Variants in PTPRT observed in about 807,000 individuals in gnomAD.
The protein encoded by PTPRT is protein tyrosine phosphatase receptor type T, also known as receptor-type tyrosine-protein phosphatase T.
Under a neutral mutation model 176.8 loss-of-function variants are expected in PTPRT, and 56 were observed. That is an observed-to-expected ratio of 0.32 (90% confidence interval 0.26 to 0.40). PTPRT has a LOEUF of 0.40. Ranked by LOEUF, PTPRT falls within the 10% of genes least tolerant of loss-of-function variation. PTPRT has a pLI of 1.00. For missense variants in PTPRT, 1,540 were observed against 1,908.2 expected (o/e 0.81, Z 3.60); for synonymous variants, 783 against 739.0 (o/e 1.06, Z -0.96).
intron 3 of PTPRT, among the ~76,000 whole-genome samples, chr20:42,786,216 T>C (rs898765493): frequency 6.6e-6 from 1 of 152,154 alleles, no homozygotes; most frequent in African/African-American, 2.4e-5. Context: ...AATTACCCAG[T>C]CTTGGGAAGT....
intron 1 of PTPRT, among the ~76,000 whole-genome samples, chr20:43,095,589 T>C (rs918774087): frequency 6.6e-6 from 1 of 150,482 alleles, no homozygotes; most frequent in African/African-American, 2.4e-5. Flanking sequence ...CCTTGCCCTC[T>C]CCTCTCTTTC....
chr20:42,256,823 T>A (rs182093524), intron 13 of PTPRT, among the ~76,000 whole-genome samples: 1 of 152,006 alleles, frequency 6.6e-6, no homozygotes, highest in Non-Finnish European at 1.5e-5. Context: ...CAAAAAGAGA[T>A]GGTGGAGTTC....
chr20:42,359,206 T>A (rs1253629325), intron 9 of PTPRT, among the ~76,000 whole-genome samples: 6 of 152,182 alleles, frequency 3.9e-5, no homozygotes, highest in Admixed American at 2.6e-4. Flanking sequence ...AAACACTTTC[T>A]CAGGCAAGGG....
chr20:42,912,033 C>A (rs1229140192), intron 1 of PTPRT, among the ~76,000 whole-genome samples: 1 of 133,464 alleles, frequency 7.5e-6, no homozygotes, highest in East Asian at 2.4e-4. Flanking sequence ...AGGTAATAAA[C>A]CCTAGGAAAT....
intron 2 of PTPRT, among the ~76,000 whole-genome samples, chr20:42,848,607 G>A (rs148161097): frequency 3.2e-4 from 48 of 152,180 alleles, no homozygotes; most frequent in African/African-American, 1.1e-3. Context: ...ATGTTTGTTG[G>A]CCATTTGTAT....
chr20:42,350,118 G>A (rs774844615), intron 11 of PTPRT, among the ~76,000 whole-genome samples: 8 of 151,214 alleles, frequency 5.3e-5, no homozygotes, highest in Admixed American at 4.6e-4. Flanking sequence ...AGGAGACTGT[G>A]TTCCAGGCCA....
At chr20:42,184,518 C>CCTTCTTCTTCTTCCTCTTCTTCTTCTT (rs1990651776) in intron 16 of PTPRT, among the ~76,000 whole-genome samples, 1 of 54,396 alleles carries the variant, frequency 1.8e-5, no homozygotes, top group African/African-American at 5.2e-5. Flanking sequence ...TCCTCCTCCT[C>CCTTCTTCTTCTTCCTCTTCTTCTTCTT]CTTCTTCTTC....
At chr20:42,915,564 G>C (rs1387028356) in intron 1 of PTPRT, among the ~76,000 whole-genome samples, 2 of 152,150 alleles carry the variant, frequency 1.3e-5, no homozygotes, top group Non-Finnish European at 2.9e-5. Flanking sequence ...CTCACAGCTG[G>C]GGACAGGTGA....
rs375105095 is a variant in PTPRT, at chr20:42,451,893, A to G, written c.1451-3564T>C. Among the ~76,000 whole-genome samples the G allele has an allele frequency of 1.4e-4, 21 of 152,188 alleles. 1 individual carries two copies. Among genetic ancestry groups the G allele is most frequent in the East Asian group, 7.7e-4 (4 of 5,190 alleles). ...GGCTGTGAAAAGGAGGGGAATTCAAACCATAACAAGAATGAGATATGGAGC... is the reference window on the plus strand; with the variant it reads ...GGCTGTGAAAAGGAGGGGAATTCAAGCCATAACAAGAATGAGATATGGAGC... On this transcript the variant is annotated intron_variant, in intron 8 of 30. Transcript: ENST00000373187.
chr20:42,634,076 A>G (rs1457475612), intron 7 of PTPRT, among the ~76,000 whole-genome samples: 1 of 42,424 alleles, frequency 2.4e-5, no homozygotes, highest in African/African-American at 1.2e-4. Context: ...TATATATATA[A>G]TATATATATA....
At chr20:42,543,672 C>T (rs1213741841) in intron 7 of PTPRT, among the ~76,000 whole-genome samples, 5 of 151,776 alleles carry the variant, frequency 3.3e-5, no homozygotes, top group South Asian at 4.2e-4. Context: ...TTTATTTTGC[C>T]CATATCCATC....
chr20:43,109,840 G>A (rs2012784385), intron 1 of PTPRT, among the ~76,000 whole-genome samples: 1 of 152,096 alleles, frequency 6.6e-6, no homozygotes, highest in African/African-American at 2.4e-5. Flanking sequence ...CAAAGGTCCT[G>A]GGGCCAAAAA....
Position 43,144,272 on chromosome 20 carries a change from C to T in PTPRT, c.88+45374G>A, listed in dbSNP as rs572209148. Among the ~76,000 whole-genome samples, 9 of 152,300 alleles carry T rather than the reference C, an allele frequency of 5.9e-5. No individual in the cohort carries two copies. The East Asian group carries it at 1.4e-3, about 23-fold the overall frequency. ...CTCTGAATGCATGCAAACCTGAGCT[C>T]GTGGCCTTGTCCCCATATACCCAAA... On this transcript the variant is annotated intron_variant, in intron 1 of 30. Coordinates refer to ENST00000373187, the MANE Select transcript of PTPRT (RefSeq NM_007050.6).
At chr20:42,772,635 G>C (rs1013550646) in intron 4 of PTPRT, among the ~76,000 whole-genome samples, 4 of 152,072 alleles carry the variant, frequency 2.6e-5, no homozygotes, top group African/African-American at 9.7e-5. Flanking sequence ...TCTTCATTGA[G>C]GCACAATGAA....
chr20:43,072,152 TTC>T (rs2011189964), intron 1 of PTPRT, among the ~76,000 whole-genome samples: 1 of 152,188 alleles, frequency 6.6e-6, no homozygotes, highest in Non-Finnish European at 1.5e-5. Context: ...TGGCCAACAC[TTC>T]TGAGACTCGA....
chr20:42,224,619 G>T (rs2055962624), intron 15 of PTPRT, among the ~76,000 whole-genome samples: 1 of 152,126 alleles, frequency 6.6e-6, no homozygotes, highest in African/African-American at 2.4e-5. Context: ...CTTCCAGATG[G>T]GTGGTTCTCA....
At chr20:42,592,631 G>C (rs556959498) in intron 7 of PTPRT, among the ~76,000 whole-genome samples, 7 of 152,296 alleles carry the variant, frequency 4.6e-5, no homozygotes, top group African/African-American at 1.4e-4. Flanking sequence ...AGACGTGGAG[G>C]TATGTCATGC....
At chr20:42,739,879 A>G (rs2076583166) in intron 6 of PTPRT, among the ~76,000 whole-genome samples, 1 of 152,152 alleles carries the variant, frequency 6.6e-6, no homozygotes, top group Non-Finnish European at 1.5e-5. Context: ...TGGGAGCCCC[A>G]CCTATGCATG....
intron 1 of PTPRT, among the ~76,000 whole-genome samples, chr20:42,976,880 C>G (rs758523463): frequency 4.6e-5 from 7 of 152,146 alleles, no homozygotes; most frequent in Non-Finnish European, 7.3e-5. Flanking sequence ...TCTTTGCCAC[C>G]TCTGGGAACT....
Sources: gnomAD v4.1 joint callset for allele counts (sites outside exome capture counted in the v4.1 genomes callset) on GRCh38, gnomAD v4.1.1 for gene constraint, MANE v1.5 for transcripts, NCBI Gene and HGNC (gene_info 2026-07-23, HGNC 2026-07-21) for gene names.